LRRCC1: variants seen among roughly 807,000 people sequenced by gnomAD.
The protein encoded by LRRCC1 is leucine-rich repeat and coiled-coil domain-containing protein 1.
A neutral mutation model predicts 126.0 loss-of-function variants in LRRCC1; 115 were observed. The ratio of observed to expected loss-of-function variants is 0.91; its 90% CI spans 0.78 to 1.07. LRRCC1 has a LOEUF of 1.07. LRRCC1 is among the 50% of genes least tolerant of loss of function. LRRCC1 has a pLI of 0.00. For synonymous variants in LRRCC1, 400 were observed against 393.4 expected (o/e 1.02, Z -0.20); for missense variants, 1,172 against 1,175.7 (o/e 1.00, Z 0.05).
In LRRCC1 at chr8:85,109,616, T is replaced by G. The variant is rs754582551; in HGVS notation, c.126T>G (p.Asp42Glu). Residue 42 changes from aspartate to glutamate, a missense_variant, in exon 2 of 19, where the codon GAT (aspartate) becomes GAG (glutamate). Asp to Glu is a conservative substitution (Grantham distance 45). Transcript: ENST00000360375. ...ATAGCATATCAGAATTATCTTTAGA[T>G]TCAACTCTTCATGCCGTCAATCTTC... The part of the protein sequence containing the change: ...GLQSISELSL[D>E]STLHAVNLHC... 6.9e-6 allele frequency: 11 copies of G among 1,603,700 alleles called. No homozygotes were observed. In the East Asian group the frequency reaches 2.5e-4, roughly 36 times the overall value.
At chr8:85,137,058 C>G (rs928410954) in intron 14 of LRRCC1, among the ~76,000 whole-genome samples, 1 of 152,176 alleles carries the variant, frequency 6.6e-6, no homozygotes, top group Non-Finnish European at 1.5e-5. Flanking sequence ...AACTCCTGAC[C>G]TCAAGTGATC....
At chr8:85,109,446 TGA>T in intron 1 of LRRCC1, 147 bp from the exon 2 acceptor site, 1 of 586,498 alleles carries the variant, frequency 1.7e-6, no homozygotes, top group East Asian at 2.8e-5. Context: ...CCGTGTTTTG[TGA>T]GACATTTCAA....
At chr8:85,140,735 A>T (rs1811192607) in intron 17 of LRRCC1, among the ~76,000 whole-genome samples, 1 of 152,198 alleles carries the variant, frequency 6.6e-6, no homozygotes, top group Admixed American at 6.5e-5. Context: ...GAGAAAAAAG[A>T]TTGGTAGTAG....
intron 1 of LRRCC1, among the ~76,000 whole-genome samples, chr8:85,107,973 C>T: frequency 6.6e-6 from 1 of 152,126 alleles, no homozygotes; most frequent in East Asian, 1.9e-4. Context: ...TCATCGTTTC[C>T]CTCTCTCTTG....
chr8:85,112,833 C>G lies in LRRCC1; in HGVS notation c.377-99C>G. ...GTTCACAGCAAGATCTAATGCTGCCCGTTTGCCTCTAAAAGTATAACCTAT... is the reference window on the plus strand; with the variant it reads ...GTTCACAGCAAGATCTAATGCTGCCGGTTTGCCTCTAAAAGTATAACCTAT... On this transcript the variant is annotated intron_variant, in intron 3 of 18. Transcript: ENST00000360375. The G allele has an allele frequency of 4.0e-6, 3 of 749,554 alleles. No individual in the cohort carries two copies. In the South Asian group the frequency reaches 8.0e-5, roughly 20 times the overall value. 46.4% of individuals were successfully genotyped at this position (749,554 alleles called of 1,614,324 possible). A position where few individuals can be genotyped will look rare whatever the true frequency, so the allele number is the denominator to read the frequency against.
chr8:85,136,094 T>A (rs1810840968), intron 14 of LRRCC1, 131 bp downstream of exon 14: 3 of 679,798 alleles, frequency 4.4e-6, no homozygotes, highest in Middle Eastern at 3.9e-4. Flanking sequence ...TCTGGAAGGA[T>A]AAGTAGGCAT....
Position 85,131,858 on chromosome 8 carries a change from TAAAAG to T in LRRCC1, c.1868_1872del (p.Lys623IlefsTer6). ...GAAGAGAAAAAGCATGAGCAAATGA[TAAAAG>T]AATACCAAGAGAAAATTGACGTGTT... On this transcript the variant is annotated frameshift_variant, in exon 12 of 19. Transcript: ENST00000360375. LOFTEE classifies it high-confidence loss of function. 1 of 1,613,768 alleles carries T rather than the reference TAAAAG, an allele frequency of 6.2e-7. No individual in the cohort carries two copies. Among genetic ancestry groups the T allele is most frequent in the Non-Finnish European group, 8.5e-7 (1 of 1,179,828 alleles).
chr8:85,114,390 A>G (rs1215126488), intron 4 of LRRCC1, among the ~76,000 whole-genome samples: 7 of 152,006 alleles, frequency 4.6e-5, no homozygotes, highest in Admixed American at 4.6e-4. Context: ...TCTTCCCTCA[A>G]GATTTCTAAT....
At chr8:85,140,741 A>G (rs1811193604) in intron 17 of LRRCC1, among the ~76,000 whole-genome samples, 2 of 152,232 alleles carry the variant, frequency 1.3e-5, no homozygotes, top group Admixed American at 6.5e-5. Flanking sequence ...AAAGATTGGT[A>G]GTAGTCATCA....
chr8:85,115,420 G>A lies in LRRCC1; in HGVS notation c.766G>A (p.Val256Ile). Residue 256 changes from valine to isoleucine, a missense_variant, in exon 6 of 19, where the codon GTT (valine) becomes ATT (isoleucine). Physicochemically the swap from Val to Ile is conservative, Grantham distance 29. Coordinates refer to ENST00000360375, the MANE Select transcript of LRRCC1 (RefSeq NM_033402.5). ...PVITAPIDEL[V>I]PLEQFASTPS... ...GATAACAGCACCTATCGATGAGTTA[G>A]TTCCCTTGGAACAGTTTGCAAGTAC... 1.2e-6 allele frequency: 2 copies of A among 1,613,856 alleles called. No individual in the cohort carries two copies. The highest frequency in any genetic ancestry group is 1.7e-6 in the Non-Finnish European group (2 of 1,179,822).
intron 12 of LRRCC1, among the ~76,000 whole-genome samples, chr8:85,132,178 C>T (rs1810517920): frequency 6.6e-6 from 1 of 152,140 alleles, no homozygotes; most frequent in South Asian, 2.1e-4. Flanking sequence ...TTATAGAGCA[C>T]TGGAATAGGA....
chr8:85,140,628 G>A (rs1244272552), intron 17 of LRRCC1, among the ~76,000 whole-genome samples: 2 of 151,946 alleles, frequency 1.3e-5, no homozygotes, highest in African/African-American at 2.4e-5. Flanking sequence ...AATGTGTTTC[G>A]TCCACTAAGC....
chr8:85,142,001 T>C (rs1344059764), intron 18 of LRRCC1, among the ~76,000 whole-genome samples: 2 of 152,118 alleles, frequency 1.3e-5, no homozygotes, highest in Admixed American at 6.6e-5. Context: ...AGCTTTTTAA[T>C]AATACACATT....
At chr8:85,132,764 T>C (rs896271561) in intron 12 of LRRCC1, among the ~76,000 whole-genome samples, 2 of 152,168 alleles carry the variant, frequency 1.3e-5, no homozygotes, top group Admixed American at 1.3e-4. Flanking sequence ...TCTGGTACTT[T>C]CTAGAAAAAG....
In LRRCC1 at chr8:85,141,438, C is replaced by G. The variant is rs760804703; in HGVS notation, c.2897C>G (p.Ala966Gly). The change falls in exon 18 of 19, where the codon GCA (alanine) becomes GGA (glycine). Residue 966 changes from alanine to glycine, a missense_variant. Ala to Gly is a moderately conservative substitution (Grantham distance 60, BLOSUM62 0). Coordinates refer to ENST00000360375, the MANE Select transcript of LRRCC1 (RefSeq NM_033402.5). ...MDDAFKRQVDAIVEAHQAEIA... is the reference protein window; with the variant it reads ...MDDAFKRQVDGIVEAHQAEIA... Reference sequence around the variant, plus strand: ...GATGCCTTTAAAAGACAAGTTGATGCAATTGTTGAAGCTCATCAAGCTGAA... The same window carrying G: ...GATGCCTTTAAAAGACAAGTTGATGGAATTGTTGAAGCTCATCAAGCTGAA... 6.8e-6 allele frequency: 11 copies of G among 1,612,432 alleles called. No homozygotes were observed. The highest frequency in any genetic ancestry group is 2.2e-5 in the East Asian group (1 of 44,774).
chr8:85,112,293 C>T (rs886617805), intron 3 of LRRCC1, among the ~76,000 whole-genome samples: 1 of 152,086 alleles, frequency 6.6e-6, no homozygotes, highest in Non-Finnish European at 1.5e-5. Context: ...TGTACATGAA[C>T]GTTCGTATGA....
At chr8:85,113,443 A>G (rs1350943017) in intron 4 of LRRCC1, among the ~76,000 whole-genome samples, 1 of 152,148 alleles carries the variant, frequency 6.6e-6, no homozygotes, top group Non-Finnish European at 1.5e-5. Flanking sequence ...AATTATGTCC[A>G]AGATACATTA....
chr8:85,116,052 C>G (rs897327899), intron 6 of LRRCC1, among the ~76,000 whole-genome samples: 2 of 152,174 alleles, frequency 1.3e-5, no homozygotes, highest in Non-Finnish European at 2.9e-5. Flanking sequence ...AGACCATCAC[C>G]TAATCAATCT....
At chr8:85,107,608 C>T in intron 1 of LRRCC1, 1 of 456,542 alleles carries the variant, frequency 2.2e-6, no homozygotes, top group Non-Finnish European at 3.9e-6. Flanking sequence ...CCGCCCGTGT[C>T]TCCTGCCCAG....
Sources: allele counts gnomAD v4.1 joint callset (sites outside exome capture counted in the v4.1 genomes callset), GRCh38; gene constraint gnomAD v4.1.1; transcripts MANE v1.5; gene names NCBI Gene and HGNC (gene_info 2026-07-23, HGNC 2026-07-21).